Variants in LRP2 observed in about 807,000 individuals in gnomAD.
The protein encoded by LRP2 is LDL receptor related protein 2, also known as low-density lipoprotein receptor-related protein 2.
Under a neutral mutation model 531.0 loss-of-function variants are expected in LRP2, and 172 were observed. The observed-to-expected ratio is 0.32, with a 90% CI of 0.29 to 0.37. LRP2 has a LOEUF of 0.37. Among genes scored for constraint, LRP2 ranks in the 10% least tolerant of loss-of-function variants. LRP2 has a pLI of 1.00. For missense variants in LRP2, 5,167 were observed against 5,868.3 expected (o/e 0.88, Z 3.90); for synonymous variants, 1,992 against 2,027.6 (o/e 0.98, Z 0.47).
At chr2:169,356,629 C>A (rs830945) in intron 1 of LRP2, among the ~76,000 whole-genome samples, 15 of 152,228 alleles carry the variant, frequency 9.9e-5, no homozygotes, top group African/African-American at 3.4e-4. Context: ...CCTCCAACTT[C>A]AAAATCACAA....
intron 1 of LRP2, among the ~76,000 whole-genome samples, chr2:169,327,867 C>A (rs1455114971): frequency 8.3e-4 from 1 of 1,204 alleles, no homozygotes; most frequent in Non-Finnish European, 3.5e-3. Flanking sequence ...CCAGCCGCCC[C>A]GTCCGGGAAG....
At chr2:169,357,227 C>A (rs1686011935) in intron 1 of LRP2, among the ~76,000 whole-genome samples, 1 of 151,082 alleles carries the variant, frequency 6.6e-6, no homozygotes, top group East Asian at 1.9e-4. Context: ...CTTTCCTATC[C>A]ATTCAACACT....
chr2:169,300,252 TG>T (rs748969822), intron 4 of LRP2, among the ~76,000 whole-genome samples: 3 of 151,524 alleles, frequency 2.0e-5, no homozygotes, highest in Non-Finnish European at 4.4e-5. Flanking sequence ...AATGTCACAA[TG>T]GGAAAAAAAA....
chr2:169,329,673 C>T (rs1574264311), intron 1 of LRP2, among the ~76,000 whole-genome samples: 1 of 152,202 alleles, frequency 6.6e-6, no homozygotes, highest in Non-Finnish European at 1.5e-5. Context: ...GAACCTCACC[C>T]CAACCCTGAG....
chr2:169,164,478 C>T (rs1346047256), intron 62 of LRP2, among the ~76,000 whole-genome samples: 1 of 152,222 alleles, frequency 6.6e-6, no homozygotes, highest in Non-Finnish European at 1.5e-5. Context: ...ATTTTCCAGT[C>T]TCCCTTACAG....
chr2:169,202,258 T>C (rs773072791), intron 43 of LRP2, among the ~76,000 whole-genome samples: 1 of 152,192 alleles, frequency 6.6e-6, no homozygotes, highest in Non-Finnish European at 1.5e-5. Flanking sequence ...GAAAGTCCAC[T>C]GTGTTTTATT....
chr2:169,313,262 G>T (rs574227894), intron 3 of LRP2, among the ~76,000 whole-genome samples: 1 of 152,154 alleles, frequency 6.6e-6, no homozygotes, highest in African/African-American at 2.4e-5. Flanking sequence ...GAGGAGCTGC[G>T]TTCCTTTGAA....
intron 52 of LRP2, among the ~76,000 whole-genome samples, chr2:169,181,021 C>T (rs886719820): frequency 6.0e-4 from 92 of 152,116 alleles, no homozygotes; most frequent in Non-Finnish European, 1.1e-3. Flanking sequence ...CATAAATGTG[C>T]CAAAGTATTT....
At chr2:169,306,058 C>A (rs1196346435) in intron 4 of LRP2, among the ~76,000 whole-genome samples, 1 of 152,000 alleles carries the variant, frequency 6.6e-6, no homozygotes, top group Non-Finnish European at 1.5e-5. Context: ...GAATGTGTCC[C>A]CCTCATTAAA....
intron 25 of LRP2, 93 bp from the exon 26 acceptor site, chr2:169,239,868 G>A (rs1208869851): frequency 1.8e-6 from 2 of 1,104,248 alleles, no homozygotes; most frequent in African/African-American, 1.6e-5. Context: ...GCAGTCTCAT[G>A]CCACCTTCAA....
intron 1 of LRP2, among the ~76,000 whole-genome samples, chr2:169,323,885 CAAGGAGGA>C (rs1684972325): frequency 6.6e-6 from 1 of 151,040 alleles, no homozygotes; most frequent in Non-Finnish European, 1.5e-5. Context: ...TAGTAAAAAC[CAAGGAGGA>C]AAGGAGGAAA....
Position 169,205,570 on chromosome 2 carries a change from G to A in LRP2, c.7624C>T (p.Arg2542Cys), listed in dbSNP as rs1688348011. The A allele has an allele frequency of 3.1e-6, 5 of 1,613,960 alleles. No homozygotes were observed. Among genetic ancestry groups the A allele is most frequent in the Non-Finnish European group, 3.4e-6 (4 of 1,179,962 alleles). ...AGACTGCTGTTCACAATGGGTACGC[G>A]GAAGTTTCCTCCCAATGTGGCTCTC... ...IERATLGGNF[R>C]VPIVNSSLVM... The change falls in exon 41 of 79, where the codon CGC (arginine) becomes TGC (cysteine). Residue 2542 changes from arginine (R) to cysteine (C), a missense_variant. This residue lies in a region of LRP2 where 1,129 missense variants were observed against 1,362.7 expected (regional missense o/e 0.83). Coordinates refer to ENST00000649046, the MANE Select transcript of LRP2 (RefSeq NM_004525.3).
At chr2:169,280,570 G>A in intron 10 of LRP2, 51 bp from the exon 11 acceptor site, 1 of 1,562,662 alleles carries the variant, frequency 6.4e-7, no homozygotes, top group Non-Finnish European at 8.8e-7. Flanking sequence ...AGCAAGGATG[G>A]TGAAGTAGCT....
At chr2:169,164,026 T>A (rs1686688385) in intron 62 of LRP2, among the ~76,000 whole-genome samples, 1 of 152,210 alleles carries the variant, frequency 6.6e-6, no homozygotes, top group Non-Finnish European at 1.5e-5. Flanking sequence ...GCCAGTGTGC[T>A]TTTGAAAGTG....
intron 58 of LRP2, 33 bp from the exon 59 acceptor site, chr2:169,170,700 C>T (rs754453869): frequency 2.1e-6 from 3 of 1,406,036 alleles, no homozygotes; most frequent in Non-Finnish European, 3.0e-6. Flanking sequence ...CATGAGTGTG[C>T]ACCAGGAATC....
intron 4 of LRP2, among the ~76,000 whole-genome samples, chr2:169,299,144 AAAGAAAG>A: frequency 5.6e-5 from 1 of 17,876 alleles, no homozygotes; most frequent in Non-Finnish European, 2.1e-4. Context: ...AGAAAGAAAG[AAAGAAAG>A]AAAGAAAAAA....
At chr2:169,290,758 C>T in intron 8 of LRP2, 87 bp downstream of exon 8, 1 of 1,409,094 alleles carries the variant, frequency 7.1e-7, no homozygotes, top group East Asian at 2.4e-5. Context: ...TATGCAAATG[C>T]CAACAGATAC....
At chr2:169,333,787 A>G (rs1318831846) in intron 1 of LRP2, among the ~76,000 whole-genome samples, 1 of 152,124 alleles carries the variant, frequency 6.6e-6, no homozygotes, top group Admixed American at 6.5e-5. Flanking sequence ...AGAACTTCAG[A>G]ACATGCCTCA....
intron 46 of LRP2, among the ~76,000 whole-genome samples, chr2:169,196,212 T>G (rs1453069524): frequency 2.0e-5 from 3 of 152,208 alleles, no homozygotes; most frequent in African/African-American, 7.2e-5. Context: ...TGCATTTGAG[T>G]AAAATGCTAT....
Sources: allele counts gnomAD v4.1 joint callset (sites outside exome capture counted in the v4.1 genomes callset), GRCh38; gene constraint gnomAD v4.1.1; regional missense constraint gnomAD v4.1.1; transcripts MANE v1.5; gene names NCBI Gene and HGNC (gene_info 2026-07-23, HGNC 2026-07-21).